LINC00305: variants seen among roughly 807,000 people sequenced by gnomAD.
The protein encoded by LINC00305 is long intergenic non-protein coding RNA 305.
chr18:64,080,957 C>G (rs2051182727), intron 3 of LINC00305, among the ~76,000 whole-genome samples: 1 of 152,066 alleles, frequency 6.6e-6, no homozygotes, highest in African/African-American at 2.4e-5. Flanking sequence ...AGTATCTAGT[C>G]CAATTTTTTT....
intron 1 of LINC00305, among the ~76,000 whole-genome samples, chr18:64,138,275 A>C (rs2144275049): frequency 6.6e-6 from 1 of 152,298 alleles, no homozygotes; most frequent in Middle Eastern, 3.4e-3. Flanking sequence ...CCAAAAAGGA[A>C]AAAAATAAAA....
intron 3 of LINC00305, among the ~76,000 whole-genome samples, chr18:64,097,221 A>T (rs551276391): frequency 3.3e-5 from 5 of 152,088 alleles, no homozygotes; most frequent in Admixed American, 3.3e-4. Flanking sequence ...GCCATGAAAG[A>T]TGTATTTTTA....
At chr18:64,084,621 T>C (rs1301912198) in intron 3 of LINC00305, among the ~76,000 whole-genome samples, 1 of 152,238 alleles carries the variant, frequency 6.6e-6, no homozygotes, top group Admixed American at 6.5e-5. Flanking sequence ...AAATCTTTGC[T>C]CTGCAATAAA....
chr18:64,087,059 T>C (rs1313299274), intron 3 of LINC00305, among the ~76,000 whole-genome samples: 2 of 152,214 alleles, frequency 1.3e-5, no homozygotes, highest in Non-Finnish European at 2.9e-5. Context: ...TTGTTCTCCA[T>C]TGATTAAATG....
At chr18:64,129,374 G>T (rs1274719267) in intron 1 of LINC00305, among the ~76,000 whole-genome samples, 1 of 151,942 alleles carries the variant, frequency 6.6e-6, no homozygotes, top group Non-Finnish European at 1.5e-5. Context: ...TTAAAAAATT[G>T]GGGGTATGGG....
At chr18:64,125,810 C>A (rs1353941924) in intron 1 of LINC00305, among the ~76,000 whole-genome samples, 1 of 152,052 alleles carries the variant, frequency 6.6e-6, no homozygotes, top group African/African-American at 2.4e-5. Context: ...GGTGATTAGG[C>A]ATGAATGGAT....
intron 1 of LINC00305, among the ~76,000 whole-genome samples, chr18:64,129,794 C>T (rs911823450): frequency 6.6e-6 from 1 of 151,998 alleles, no homozygotes; most frequent in Non-Finnish European, 1.5e-5. Context: ...TTTGTAGCTT[C>T]CTTGTAGCCA....
chr18:64,112,599 T>C (rs2051319874), intron 1 of LINC00305, among the ~76,000 whole-genome samples: 1 of 152,230 alleles, frequency 6.6e-6, no homozygotes, highest in Non-Finnish European at 1.5e-5. Context: ...CAAGATTCTA[T>C]ACTTACGGAT....
chr18:64,110,958 A>G (rs2051312433), intron 1 of LINC00305, among the ~76,000 whole-genome samples: 1 of 152,148 alleles, frequency 6.6e-6, no homozygotes, highest in South Asian at 2.1e-4. Context: ...GGGTGACTGG[A>G]GTGTTTTTCT....
At chr18:64,111,753 T>A (rs1355958005) in intron 1 of LINC00305, among the ~76,000 whole-genome samples, 1 of 152,174 alleles carries the variant, frequency 6.6e-6, no homozygotes, top group Non-Finnish European at 1.5e-5. Flanking sequence ...CTGAGTCAAG[T>A]CGTCCAAGCT....
At chr18:64,112,634 TATTA>T (rs2144251133) in intron 1 of LINC00305, among the ~76,000 whole-genome samples, 1 of 152,330 alleles carries the variant, frequency 6.6e-6, no homozygotes, top group South Asian at 2.1e-4. Context: ...TCAGACTGGC[TATTA>T]ATTCTTTCAT....
At chr18:64,146,953 G>A (rs879855311) in intron 1 of LINC00305, among the ~76,000 whole-genome samples, 1 of 152,118 alleles carries the variant, frequency 6.6e-6, no homozygotes, top group Non-Finnish European at 1.5e-5. Context: ...AAGTCAATTT[G>A]TATGTTTTTC....
At chr18:64,137,608 A>G (rs1216214522) in intron 1 of LINC00305, among the ~76,000 whole-genome samples, 2 of 152,184 alleles carry the variant, frequency 1.3e-5, no homozygotes, top group African/African-American at 4.8e-5. Flanking sequence ...TCAAATCCAT[A>G]ATTAAAATTC....
chr18:64,108,197 C>A (rs1012701793), intron 1 of LINC00305, among the ~76,000 whole-genome samples: 21 of 152,166 alleles, frequency 1.4e-4, no homozygotes, highest in African/African-American at 4.8e-4. Context: ...AAGCAACATA[C>A]CCTCTTTGTT....
intron 1 of LINC00305, among the ~76,000 whole-genome samples, chr18:64,099,172 A>G (rs1408345028): frequency 6.6e-6 from 1 of 152,174 alleles, no homozygotes; most frequent in African/African-American, 2.4e-5. Context: ...CCTTATAATA[A>G]TATATTAAAT....
chr18:64,085,239 C>T (rs546934653), intron 3 of LINC00305, among the ~76,000 whole-genome samples: 1 of 152,096 alleles, frequency 6.6e-6, no homozygotes, highest in Non-Finnish European at 1.5e-5. Context: ...ATTGCATTTC[C>T]TATTCCTATT....
Position 64,087,945 on chromosome 18 carries a change from C to A in LINC00305, n.541-7543G>T, listed in dbSNP as rs182773865. ...TCTCTCCCAAAACTACAAAAAAAAA[C>A]AAAACAAACAGACAAAAAAAAACAA... On this transcript the variant is annotated intron_variant and non_coding_transcript_variant, in intron 3 of 3. Transcript: ENST00000666468. 7.6e-3 allele frequency among the ~76,000 whole-genome samples: 1,138 copies of A among 149,706 alleles called. 14 individuals carry two copies. The highest frequency in any genetic ancestry group is 0.027 in the African/African-American group (1,068 of 40,122).
intron 3 of LINC00305, among the ~76,000 whole-genome samples, chr18:64,097,662 G>T (rs962396489): frequency 1.3e-5 from 2 of 151,846 alleles, no homozygotes; most frequent in Admixed American, 1.3e-4. Flanking sequence ...TACTCCGCGT[G>T]GTCAGAAGAG....
chr18:64,142,729 TCCTTGTATATAACCCCAGGAA>T (rs1176931836), intron 1 of LINC00305, among the ~76,000 whole-genome samples: 1 of 151,948 alleles, frequency 6.6e-6, no homozygotes, highest in Non-Finnish European at 1.5e-5. Flanking sequence ...CCTATTCCAC[TCCTTGTATATAACCCCAGGAA>T]CCTTGTATAT....
Sources: gnomAD v4.1 joint callset for allele counts (sites outside exome capture counted in the v4.1 genomes callset) on GRCh38, gnomAD v4.1.1 for gene constraint, MANE v1.5 for transcripts, NCBI Gene and HGNC (gene_info 2026-07-23, HGNC 2026-07-21) for gene names.